Variants in WDR3 observed in about 807,000 individuals in gnomAD.
WDR3 encodes WD repeat-containing protein 3.
In WDR3, 81 loss-of-function variants were observed where a neutral mutation model predicts 123.7. The observed-to-expected ratio is 0.65, with a 90% CI of 0.55 to 0.79. The LOEUF (loss-of-function observed/expected upper bound fraction) is 0.79. Ranked by LOEUF, WDR3 falls within the 30% of genes least tolerant of loss-of-function variation. The probability of loss-of-function intolerance (pLI) is 0.00; values close to 1 mark genes in which losing one functional copy is unlikely to be tolerated. For synonymous variants in WDR3, 390 were observed against 388.8 expected (o/e 1.00, Z -0.04); for missense variants, 1,027 against 1,123.2 (o/e 0.91, Z 1.22).
At position 117,939,995 on chromosome 1, in the gene WDR3, G is replaced by C. The variant is rs1651085089; in HGVS notation, c.675+423G>C. Among the ~76,000 whole-genome samples the C allele has an allele frequency of 2.6e-5, 4 of 152,292 alleles. No homozygotes were observed. In the Middle Eastern group the frequency reaches 0.01, roughly 389 times the overall value. ...ATAGAAGAAAAGCTTGCAGACCTTA[G>C]GTTTAGCTGAATTTCGGTGTGTGCT... On this transcript the variant is annotated intron_variant, in intron 6 of 26. Transcript: ENST00000349139.
chr1:117,948,361 G>T (rs1376944513), intron 12 of WDR3, 44 bp from the exon 13 acceptor site: 11 of 1,540,910 alleles, frequency 7.1e-6, no homozygotes, highest in South Asian at 1.1e-5. Flanking sequence ...CATGGAGGTT[G>T]TACGTATGTT....
chr1:117,932,969 T>C (rs1396493650), intron 1 of WDR3, among the ~76,000 whole-genome samples: 2 of 148,976 alleles, frequency 1.3e-5, no homozygotes, highest in Non-Finnish European at 3.0e-5. Context: ...CCGTGGCGGA[T>C]GGATCACTTG....
In WDR3 at chr1:117,954,645, C is replaced by T. The variant is rs751254144; in HGVS notation, c.2409+18C>T. On this transcript the variant is annotated intron_variant, in intron 23 of 26. Transcript: ENST00000349139. ...GTATCTCAGTGAGTAAAATGTCTAA[C>T]GGTTTTCCTTTGTTTATTAAAAGGT... 2.2e-5 allele frequency: 35 copies of T among 1,608,834 alleles called. No homozygotes were observed. Among genetic ancestry groups the T allele is most frequent in the Middle Eastern group, 1.6e-4 (1 of 6,062 alleles).
At chr1:117,940,708 A>T in intron 6 of WDR3, 119 bp from the exon 7 acceptor site, 1 of 906,520 alleles carries the variant, frequency 1.1e-6, no homozygotes, top group Middle Eastern at 2.7e-4. Flanking sequence ...AGCCTGGGCG[A>T]CAGAGTAAGA....
Position 117,952,331 on chromosome 1 carries a change from C to T in WDR3, c.1939C>T (p.Leu647Phe). The T allele has an allele frequency of 1.2e-6, 2 of 1,613,248 alleles. No homozygotes were observed. The highest frequency in any genetic ancestry group is 2.7e-5 in the African/African-American group (2 of 75,008). Residue 647 changes from leucine (L) to phenylalanine (F), a missense_variant, in exon 18 of 27, where the codon CTC becomes TTC. Leu to Phe is a conservative substitution (Grantham distance 22). Transcript: ENST00000349139. Reference protein sequence around the residue: ...MYLQFVPKSHLFFTAGKDHKI... With the variant: ...MYLQFVPKSHFFFTAGKDHKI... The stretch of plus-strand genomic sequence containing the variant: ...CCTACAGTTTGTACCCAAGTCTCAC[C>T]TCTTCTTCACTGCCGGAAAAGATCA...
intron 16 of WDR3, among the ~76,000 whole-genome samples, chr1:117,951,178 T>C (rs1428276872): frequency 6.6e-6 from 1 of 152,096 alleles, no homozygotes; most frequent in Non-Finnish European, 1.5e-5. Context: ...AATACTATAA[T>C]TGGTAGAGTA....
intron 1 of WDR3, among the ~76,000 whole-genome samples, chr1:117,932,336 A>G (rs1307036410): frequency 6.6e-6 from 1 of 152,252 alleles, no homozygotes; most frequent in Non-Finnish European, 1.5e-5. Context: ...GTGTGGTCCA[A>G]GAACTGCAAT....
intron 11 of WDR3, among the ~76,000 whole-genome samples, chr1:117,945,774 C>T (rs1651359429): frequency 6.6e-6 from 1 of 152,166 alleles, no homozygotes; most frequent in South Asian, 2.1e-4. Flanking sequence ...ACTAATTTGA[C>T]TTGTAATCCT....
Position 117,933,398 on chromosome 1 carries a change from G to A in WDR3, c.79G>A (p.Val27Ile), listed in dbSNP as rs760679558. 6.2e-7 allele frequency: 1 copy of A among 1,614,154 alleles called. No homozygotes were observed. Among genetic ancestry groups the A allele is most frequent in the Non-Finnish European group, 8.5e-7 (1 of 1,180,028 alleles). ...GVIGSQKGNI[V>I]FVTLRGEKGR... is the part of the protein sequence containing the mutation. Reference sequence around the variant, plus strand: ...TATCGGCAGCCAAAAAGGTAATATTGTCTTTGTGACACTTCGTGGTGAGAA... The same window carrying A: ...TATCGGCAGCCAAAAAGGTAATATTATCTTTGTGACACTTCGTGGTGAGAA... The change falls in exon 2 of 27, where the codon GTC becomes ATC. Residue 27 changes from valine to isoleucine, a missense_variant. Val to Ile is a conservative substitution (Grantham distance 29). Transcript: ENST00000349139.
rs911242040 is a variant in WDR3, at chr1:117,966,337, TTTA to T, written c.*6896_*6898del. 14 of 278,704 alleles carry T rather than the reference TTTA, an allele frequency of 5.0e-5. No individual in the cohort carries two copies. The highest frequency in any genetic ancestry group is 2.6e-4 in the African/African-American group (12 of 45,902). The allele number at this position is 278,704 out of a possible 1,614,324, so 17.3% of individuals were successfully genotyped here. A position where few individuals can be genotyped will look rare whatever the true frequency, so the allele number is the denominator to read the frequency against. On this transcript the variant is annotated 3_prime_UTR_variant, in exon 27 of 27. Coordinates refer to ENST00000349139, the MANE Select transcript of WDR3 (RefSeq NM_006784.3). ...TTTTTTTGTGATAGATACTTGCTGT[TTTA>T]TTATTCTGTCTGATATTCCGTAGAT...
At chr1:117,936,567 A>G (rs1650951897) in intron 3 of WDR3, among the ~76,000 whole-genome samples, 1 of 152,182 alleles carries the variant, frequency 6.6e-6, no homozygotes, top group South Asian at 2.1e-4. Context: ...CATAAAGACT[A>G]GAGCAATAAC....
chr1:117,941,797 A>G lies in WDR3; in HGVS notation c.939A>G (p.Glu313=). 1.9e-6 allele frequency: 3 copies of G among 1,610,782 alleles called. No individual in the cohort carries two copies. Among genetic ancestry groups the G allele is most frequent in the Non-Finnish European group, 2.5e-6 (3 of 1,179,278 alleles). Residue 313 remains glutamate (E), a synonymous_variant, in exon 9 of 27, where the codon GAA becomes GAG. Transcript: ENST00000349139. ...TGTTTTGTATCCTTTCCAAAAAGGA[A>G]ATTCAGAAGAAAATGGATAAGAAGA... ...LELFCILSKK[E]IQKKMDKKMK...
chr1:117,948,587 C>G, intron 13 of WDR3, 81 bp downstream of exon 13: 1 of 967,186 alleles, frequency 1.0e-6, no homozygotes, highest in Non-Finnish European at 1.4e-6. Context: ...TAAAGAAAGC[C>G]TGAGGTTTTT....
Position 117,952,356 on chromosome 1 carries a change from A to C in WDR3, c.1964A>C (p.His655Pro). Residue 655 changes from histidine (H) to proline (P), a missense_variant, in exon 18 of 27, where the codon CAT becomes CCT. Physicochemically the swap from His to Pro is moderately conservative, Grantham distance 77. Coordinates refer to ENST00000349139, the MANE Select transcript of WDR3 (RefSeq NM_006784.3). ...CTCTTCTTCACTGCCGGAAAAGATC[A>C]TAAGATTAAACAGTGGGATGCAGAC... ...SHLFFTAGKD[H>P]KIKQWDADKF... is the part of the protein sequence containing the mutation. The C allele has an allele frequency of 6.2e-7, 1 of 1,613,508 alleles. No homozygotes were observed. The highest frequency in any genetic ancestry group is 8.5e-7 in the Non-Finnish European group (1 of 1,179,566).
chr1:117,948,305 T>C, intron 12 of WDR3, 100 bp from the exon 13 acceptor site: 1 of 933,624 alleles, frequency 1.1e-6, no homozygotes, highest in South Asian at 1.6e-5. Context: ...GATCACATTT[T>C]TGCAGCTTGG....
intron 26 of WDR3, 79 bp from the exon 27 acceptor site, chr1:117,959,213 G>T: frequency 6.6e-7 from 1 of 1,510,722 alleles, no homozygotes; most frequent in Non-Finnish European, 8.9e-7. Context: ...TGAAGCTTTG[G>T]TTACCCTAAC....
chr1:117,936,332 A>C (rs769663349), intron 3 of WDR3, among the ~76,000 whole-genome samples: 3 of 147,524 alleles, frequency 2.0e-5, no homozygotes, highest in Non-Finnish European at 4.5e-5. Context: ...ACTTCTGCAT[A>C]TTTATAACAG....
At chr1:117,953,568 C>A in intron 21 of WDR3, 27 bp downstream of exon 21, 2 of 1,599,904 alleles carry the variant, frequency 1.3e-6, no homozygotes, top group South Asian at 2.2e-5. Flanking sequence ...TGTGGTATCT[C>A]GTTTTTTAAT....
In WDR3 at chr1:117,941,849, T is replaced by A. The variant is rs1651184601; in HGVS notation, c.989+2T>A. 2 of 1,604,440 alleles carry A rather than the reference T, an allele frequency of 1.2e-6. No homozygotes were observed. The highest frequency in any genetic ancestry group is 1.7e-6 in the Non-Finnish European group (2 of 1,177,228). ...GAAGAAAGCTAGAAAGAAAGCAAAG[T>A]ATGTTTTCTTAATACTTACATTAAT... is the stretch of plus-strand genomic sequence containing the variant. On this transcript the variant is annotated splice_donor_variant, in intron 9 of 26. Transcript: ENST00000349139. LOFTEE classifies it high-confidence loss of function.
Sources: allele counts gnomAD v4.1 joint callset (sites outside exome capture counted in the v4.1 genomes callset), GRCh38; gene constraint gnomAD v4.1.1; transcripts MANE v1.5; gene names NCBI Gene and HGNC (gene_info 2026-07-23, HGNC 2026-07-21).